TMEM178B: variants seen among roughly 807,000 people sequenced by gnomAD.
The protein encoded by TMEM178B is transmembrane protein 178B.
In TMEM178B, 5 loss-of-function variants were observed where a neutral mutation model predicts 31.0. The observed-to-expected ratio is 0.16, with a 90% CI of 0.08 to 0.34. TMEM178B has a LOEUF of 0.34. Among genes scored for constraint, TMEM178B ranks in the 10% least tolerant of loss-of-function variants. The probability of loss-of-function intolerance (pLI) is 1.00; values close to 1 mark genes in which losing one functional copy is unlikely to be tolerated. For missense variants in TMEM178B, 275 were observed against 400.3 expected, an observed-to-expected ratio of 0.69 and a Z score of 2.67; for synonymous variants, 164 against 164.0, an observed-to-expected ratio of 1.00 and a Z score of 0.00.
In TMEM178B at chr7:141,480,125, G is replaced by A. The variant is rs979735210; in HGVS notation, c.*9339G>A. On this transcript the variant is annotated 3_prime_UTR_variant, in exon 4 of 4. Coordinates refer to ENST00000565468, the MANE Select transcript of TMEM178B (RefSeq NM_001195278.2). ...GGGAAGTGGGAGGGGGGATGAAAAG[G>A]GAAATTGCCAGGTTCCTGTGACTTT... The A allele has an allele frequency of 6.6e-6, 1 of 152,160 alleles. No homozygotes were observed. The highest frequency in any genetic ancestry group is 2.4e-5 in the African/African-American group (1 of 41,432). 9.4% of individuals were successfully genotyped at this position (152,160 alleles called of 1,614,324 possible).
intron 1 of TMEM178B, among the ~76,000 whole-genome samples, chr7:141,161,906 G>A (rs2129181719): frequency 6.6e-6 from 1 of 151,892 alleles, no homozygotes; most frequent in East Asian, 1.9e-4. Context: ...TGGTCTGAGT[G>A]TGCAAGAGCA....
rs1375850694 is a variant in TMEM178B at position 141,478,776 on chromosome 7, C to G, written c.*7990C>G. 6.6e-6 allele frequency: 1 copy of G among 152,136 alleles called. No homozygotes were observed. Among genetic ancestry groups the G allele is most frequent in the African/African-American group, 2.4e-5 (1 of 41,416 alleles). 9.4% of individuals were successfully genotyped at this position (152,136 alleles called of 1,614,324 possible). On this transcript the variant is annotated 3_prime_UTR_variant, in exon 4 of 4. Coordinates refer to ENST00000565468, the MANE Select transcript of TMEM178B (RefSeq NM_001195278.2). Reference sequence around the variant, plus strand: ...CAGCCCTATTTCCAGTGTTCAATAGCCACACCTGACTACTGGTTGCTGTAT... The same window carrying G: ...CAGCCCTATTTCCAGTGTTCAATAGGCACACCTGACTACTGGTTGCTGTAT...
At chr7:141,110,488 A>G (rs1344388881) in intron 1 of TMEM178B, among the ~76,000 whole-genome samples, 2 of 152,242 alleles carry the variant, frequency 1.3e-5, no homozygotes, top group Non-Finnish European at 2.9e-5. Context: ...AAAGGTTAAT[A>G]GACAAAACTA....
chr7:141,382,789 T>A (rs1181986698), intron 2 of TMEM178B, among the ~76,000 whole-genome samples: 2 of 152,216 alleles, frequency 1.3e-5, no homozygotes, highest in South Asian at 4.1e-4. Flanking sequence ...AGCTAAATGA[T>A]TCAGTCCCAC....
At chr7:141,250,407 G>A (rs1348811907) in intron 2 of TMEM178B, among the ~76,000 whole-genome samples, 4 of 152,184 alleles carry the variant, frequency 2.6e-5, no homozygotes, top group East Asian at 1.9e-4. Flanking sequence ...GGAAGGATTC[G>A]AACTGGGCAG....
chr7:141,087,000 T>C (rs1222413559), intron 1 of TMEM178B, among the ~76,000 whole-genome samples: 2 of 152,114 alleles, frequency 1.3e-5, no homozygotes, highest in African/African-American at 4.8e-5. Context: ...ATATTTTGTT[T>C]TTTAAAAACA....
intron 2 of TMEM178B, among the ~76,000 whole-genome samples, chr7:141,288,512 A>G (rs2116416068): frequency 6.6e-6 from 1 of 152,182 alleles, no homozygotes; most frequent in East Asian, 1.9e-4. Context: ...AAATAAGAAA[A>G]GAAAAAATGA....
intron 1 of TMEM178B, among the ~76,000 whole-genome samples, chr7:141,188,096 A>G (rs1796640410): frequency 6.6e-6 from 1 of 152,106 alleles, no homozygotes; most frequent in East Asian, 1.9e-4. Context: ...TAAGTCTTTA[A>G]TCCATCTTGA....
At chr7:141,320,604 C>T (rs1799081221) in intron 2 of TMEM178B, among the ~76,000 whole-genome samples, 2 of 152,156 alleles carry the variant, frequency 1.3e-5, no homozygotes, top group African/African-American at 4.8e-5. Flanking sequence ...CATTTTCCAT[C>T]CTGAGCTAAT....
intron 2 of TMEM178B, among the ~76,000 whole-genome samples, chr7:141,252,457 C>T (rs1183777489): frequency 6.6e-6 from 1 of 152,122 alleles, no homozygotes; most frequent in East Asian, 1.9e-4. Flanking sequence ...TCGATAACCC[C>T]AAGGGAAACT....
Position 141,473,957 on chromosome 7 carries a change from C to G in TMEM178B, c.*3171C>G, listed in dbSNP as rs1026172600. 6.6e-6 allele frequency: 1 copy of G among 152,256 alleles called. No homozygotes were observed. Among genetic ancestry groups the G allele is most frequent in the African/African-American group, 2.4e-5 (1 of 41,412 alleles). 9.4% of individuals were successfully genotyped at this position (152,256 alleles called of 1,614,324 possible). ...GAGATGAGGAGGAGGAAGAGAGGAGCCTTGACTTGTGAGGCTCTGTAGGTC... is the reference window on the plus strand; with the variant it reads ...GAGATGAGGAGGAGGAAGAGAGGAGGCTTGACTTGTGAGGCTCTGTAGGTC... On this transcript the variant is annotated 3_prime_UTR_variant, in exon 4 of 4. Transcript: ENST00000565468.
intron 2 of TMEM178B, among the ~76,000 whole-genome samples, chr7:141,290,177 G>A (rs1249770905): frequency 2.0e-5 from 3 of 152,198 alleles, no homozygotes; most frequent in Non-Finnish European, 4.4e-5. Flanking sequence ...TGCACCCATA[G>A]AGCAGCAGAC....
At chr7:141,282,027 G>C (rs1798373650) in intron 2 of TMEM178B, among the ~76,000 whole-genome samples, 1 of 152,206 alleles carries the variant, frequency 6.6e-6, no homozygotes, top group Non-Finnish European at 1.5e-5. Flanking sequence ...AGATTGACAG[G>C]GAAACCTGTT....
chr7:141,261,389 A>G (rs536312105), intron 2 of TMEM178B, among the ~76,000 whole-genome samples: 37 of 152,210 alleles, frequency 2.4e-4, no homozygotes, highest in Non-Finnish European at 4.6e-4. Context: ...GTGAGGGCTC[A>G]GGTGAAACAG....
intron 2 of TMEM178B, among the ~76,000 whole-genome samples, chr7:141,433,109 A>G (rs371087937): frequency 6.6e-6 from 1 of 152,162 alleles, no homozygotes; most frequent in Non-Finnish European, 1.5e-5. Context: ...CTGACCCTCA[A>G]CTGTGCTGGC....
At chr7:141,092,557 G>A (rs1019503029) in intron 1 of TMEM178B, among the ~76,000 whole-genome samples, 7 of 152,046 alleles carry the variant, frequency 4.6e-5, no homozygotes, top group African/African-American at 9.7e-5. Flanking sequence ...TTATATATTC[G>A]CTTGTTCAAC....
At chr7:141,465,027 A>G (rs1802126204) in intron 3 of TMEM178B, among the ~76,000 whole-genome samples, 1 of 152,236 alleles carries the variant, frequency 6.6e-6, no homozygotes, top group South Asian at 2.1e-4. Context: ...CTAAGAAGAT[A>G]TGACTATGCA....
At chr7:141,225,291 C>G (rs1269236462) in intron 2 of TMEM178B, among the ~76,000 whole-genome samples, 1 of 152,188 alleles carries the variant, frequency 6.6e-6, no homozygotes, top group African/African-American at 2.4e-5. Context: ...CCTCCCCCAC[C>G]ATAGGCTCTA....
chr7:141,391,650 A>G (rs1304326641), intron 2 of TMEM178B, among the ~76,000 whole-genome samples: 1 of 152,060 alleles, frequency 6.6e-6, no homozygotes, highest in Non-Finnish European at 1.5e-5. Flanking sequence ...TCATCTTGCA[A>G]ATCTGAAACT....
Sources: allele counts gnomAD v4.1 joint callset (sites outside exome capture counted in the v4.1 genomes callset), GRCh38; gene constraint gnomAD v4.1.1; transcripts MANE v1.5; gene names NCBI Gene and HGNC (gene_info 2026-07-23, HGNC 2026-07-21).